The following C1QTNF3 variants were observed in gnomAD, a reference collection of about 807,000 sequenced individuals.
The protein encoded by C1QTNF3 is complement C1q tumor necrosis factor-related protein 3.
In C1QTNF3, 26 loss-of-function variants were observed where a neutral mutation model predicts 32.6. That is an observed-to-expected ratio of 0.80 (90% CI 0.58 to 1.11). The LOEUF is 1.11. C1QTNF3 is among the 50% of genes least tolerant of loss of function. The pLI is 0.00. For missense variants in C1QTNF3, 362 were observed against 398.2 expected (o/e 0.91, Z 0.77); for synonymous variants, 155 against 146.0 (o/e 1.06, Z -0.44).
chr5:34,105,555 T>C, the C1QTNF3 span, among the ~76,000 whole-genome samples: 1 of 152,040 alleles, frequency 6.6e-6, no homozygotes, highest in African/African-American at 2.4e-5. Context: ...GAGACTCCTT[T>C]ATATTGTAGG....
At chr5:34,143,397 C>A in the C1QTNF3 span, among the ~76,000 whole-genome samples, 1 of 152,038 alleles carries the variant, frequency 6.6e-6, no homozygotes, top group African/African-American at 2.4e-5. Flanking sequence ...ATCTTGCTAG[C>A]GAAATTGACT....
the C1QTNF3 span, among the ~76,000 whole-genome samples, chr5:34,078,159 C>A: frequency 6.6e-6 from 1 of 151,648 alleles, no homozygotes; most frequent in African/African-American, 2.4e-5. This position sits in a 1 kb window ranked among gnomAD's most constrained non-coding sequence, Gnocchi z 4.0. Flanking sequence ...TTGGTGGGAC[C>A]CCATCCCCTG....
the C1QTNF3 span, among the ~76,000 whole-genome samples, chr5:34,123,367 T>G: frequency 2.6e-5 from 4 of 152,196 alleles, no homozygotes; most frequent in African/African-American, 7.2e-5. Flanking sequence ...CATCCATATC[T>G]ACATCTACAT....
the C1QTNF3 span, among the ~76,000 whole-genome samples, chr5:34,206,997 A>C: frequency 6.6e-6 from 1 of 152,244 alleles, no homozygotes; most frequent in Non-Finnish European, 1.5e-5. Context: ...CAGAAGCCAC[A>C]TAGGGAGTGT....
the C1QTNF3 span, among the ~76,000 whole-genome samples, chr5:34,171,760 T>C: frequency 2.6e-5 from 4 of 152,190 alleles, no homozygotes; most frequent in African/African-American, 9.6e-5. Context: ...TGCCATCTTA[T>C]TATTTGTATA....
chr5:34,090,986 T>C, the C1QTNF3 span, among the ~76,000 whole-genome samples: 1 of 152,366 alleles, frequency 6.6e-6, no homozygotes, highest in African/African-American at 2.4e-5. Context: ...TCTGTTCATT[T>C]ATGTATTTCT....
the C1QTNF3 span, among the ~76,000 whole-genome samples, chr5:34,241,897 A>G: frequency 1.3e-5 from 2 of 148,522 alleles, no homozygotes; most frequent in Non-Finnish European, 3.0e-5. Flanking sequence ...GTCTCAAAAA[A>G]GGAAGGAAAT....
Position 34,020,438 on chromosome 5 carries a change from G to T in C1QTNF3, c.*145C>A. The T allele has an allele frequency of 1.1e-6, 1 of 932,442 alleles. No homozygotes were observed. The highest frequency in any genetic ancestry group is 1.6e-6 in the Non-Finnish European group (1 of 612,756). The allele number at this position is 932,442 out of a possible 1,614,324, so 57.8% of individuals were successfully genotyped here. Reference sequence around the variant, plus strand: ...AGCCCCTGAATTGTCCAACATTATTGGTGTACCTGTAGCGTGAACAACATT... The same window carrying T: ...AGCCCCTGAATTGTCCAACATTATTTGTGTACCTGTAGCGTGAACAACATT... On this transcript the variant is annotated 3_prime_UTR_variant, in exon 6 of 6. Transcript: ENST00000382065.
the C1QTNF3 span, among the ~76,000 whole-genome samples, chr5:34,184,907 A>G: frequency 1.6e-4 from 24 of 152,218 alleles, no homozygotes; most frequent in African/African-American, 5.6e-4. Context: ...ACAGCACCTA[A>G]AAAGATTACA....
the C1QTNF3 span, among the ~76,000 whole-genome samples, chr5:34,243,250 A>C: frequency 6.6e-6 from 1 of 152,236 alleles, no homozygotes; most frequent in Non-Finnish European, 1.5e-5. Flanking sequence ...GCAAGCAAAA[A>C]CCACAGTAAG....
chr5:34,072,488 A>G, the C1QTNF3 span, among the ~76,000 whole-genome samples: 2 of 152,288 alleles, frequency 1.3e-5, no homozygotes, highest in African/African-American at 4.8e-5. Context: ...TGTAGAATAC[A>G]GAGGTTTCCA....
At position 34,042,822 on chromosome 5, in the gene C1QTNF3, C is replaced by T. The variant is rs1370951854; in HGVS notation, c.303+1G>A. ...AATCCTTAGAAGAGAATTCTGAGTACCTGGCCCCAGAATGTGGTGATCTGG... is the reference window on the plus strand; with the variant it reads ...AATCCTTAGAAGAGAATTCTGAGTATCTGGCCCCAGAATGTGGTGATCTGG... On this transcript the variant is annotated splice_donor_variant, in intron 1 of 5. Coordinates refer to ENST00000382065, the MANE Select transcript of C1QTNF3 (RefSeq NM_181435.6). LOFTEE classifies it high-confidence loss of function. 1.9e-6 allele frequency: 3 copies of T among 1,609,714 alleles called. No homozygotes were observed. Among genetic ancestry groups the T allele is most frequent in the East Asian group, 4.5e-5 (2 of 44,824 alleles).
intron 4 of C1QTNF3, among the ~76,000 whole-genome samples, chr5:34,026,505 C>T (rs1159826480): frequency 6.7e-6 from 1 of 148,702 alleles, no homozygotes; most frequent in Non-Finnish European, 1.5e-5. Context: ...AAAAAAAAGT[C>T]TCCTGAAGGC....
chr5:34,084,271 G>A, the C1QTNF3 span, among the ~76,000 whole-genome samples: 1 of 151,650 alleles, frequency 6.6e-6, no homozygotes. Context: ...AATTCTCCCC[G>A]GATCTCTATA....
At chr5:34,139,153 CAT>C in the C1QTNF3 span, among the ~76,000 whole-genome samples, 10 of 151,632 alleles carry the variant, frequency 6.6e-5, no homozygotes, top group African/African-American at 2.4e-4. Context: ...CATATGTATA[CAT>C]ATATTTGAAT....
chr5:34,073,144 G>C, the C1QTNF3 span, among the ~76,000 whole-genome samples: 5 of 152,140 alleles, frequency 3.3e-5, no homozygotes, highest in South Asian at 1.0e-3. Context: ...TGGCTAACAC[G>C]GTGAAACCCT....
At chr5:34,220,584 T>C in the C1QTNF3 span, among the ~76,000 whole-genome samples, 3 of 151,758 alleles carry the variant, frequency 2.0e-5, no homozygotes, top group African/African-American at 7.3e-5. Context: ...GGAAGGAACA[T>C]AGTGTATATG....
the C1QTNF3 span, among the ~76,000 whole-genome samples, chr5:34,050,149 T>C: frequency 6.6e-6 from 1 of 152,218 alleles, no homozygotes; most frequent in African/African-American, 2.4e-5. Context: ...ATAAGCCTTT[T>C]TGAATGAAGC....
chr5:34,102,889 G>A, the C1QTNF3 span, among the ~76,000 whole-genome samples: 9 of 152,118 alleles, frequency 5.9e-5, no homozygotes, highest in African/African-American at 2.2e-4. Context: ...GTAAATGACG[G>A]GTTAATGGGT....
Sources: gnomAD v4.1 joint callset for allele counts (sites outside exome capture counted in the v4.1 genomes callset) on GRCh38, gnomAD v4.1.1 for gene constraint, Gnocchi (gnomAD v3.1) non-coding constraint, MANE v1.5 for transcripts, NCBI Gene and HGNC (gene_info 2026-07-23, HGNC 2026-07-21) for gene names.